The following MBD2 variants were observed in gnomAD, a reference collection of about 807,000 sequenced individuals.
MBD2 encodes methyl-CpG-binding domain protein 2.
MBD2 carries 9 observed loss-of-function variants against 39.3 expected under a neutral mutation model. The observed-to-expected ratio is 0.23, with a 90% CI of 0.14 to 0.40. MBD2 has a LOEUF of 0.40. Among genes scored for constraint, MBD2 ranks in the 10% least tolerant of loss-of-function variants. The probability of loss-of-function intolerance (pLI) is 1.00; values close to 1 mark genes in which losing one functional copy is unlikely to be tolerated. For missense variants in MBD2, 458 were observed against 532.6 expected, an observed-to-expected ratio of 0.86 and a Z score of 1.38; for synonymous variants, 233 against 211.1, an observed-to-expected ratio of 1.10 and a Z score of -0.90.
intron 2 of MBD2, among the ~76,000 whole-genome samples, chr18:54,196,143 C>T (rs956101253): frequency 7.9e-5 from 12 of 152,250 alleles, no homozygotes; most frequent in African/African-American, 2.6e-4. Flanking sequence ...TGTGCAACTT[C>T]ATAGGTTTTT....
chr18:54,186,724 G>A (rs530594787), intron 3 of MBD2, among the ~76,000 whole-genome samples: 50 of 152,270 alleles, frequency 3.3e-4, no homozygotes, highest in African/African-American at 1.0e-3. Context: ...AGCAAAAATT[G>A]TCAGGTACCA....
intron 1 of MBD2, among the ~76,000 whole-genome samples, chr18:54,205,507 C>G (rs1339090361): frequency 6.7e-6 from 1 of 150,278 alleles, no homozygotes; most frequent in Non-Finnish European, 1.5e-5. Context: ...AGGAGAATCG[C>G]TTGAACTCAG....
chr18:54,188,543 T>C (rs982887677), intron 3 of MBD2, among the ~76,000 whole-genome samples: 2 of 152,220 alleles, frequency 1.3e-5, no homozygotes, highest in African/African-American at 4.8e-5. Flanking sequence ...ACAAACTACA[T>C]GCTTCATTCT....
At chr18:54,166,932 G>A (rs1202477893) in intron 3 of MBD2, among the ~76,000 whole-genome samples, 1 of 152,116 alleles carries the variant, frequency 6.6e-6, no homozygotes, top group Non-Finnish European at 1.5e-5. Flanking sequence ...CTCTCTCCTA[G>A]TTATTACTTT....
chr18:54,209,162 G>A (rs1295794062), intron 1 of MBD2, among the ~76,000 whole-genome samples: 1 of 151,862 alleles, frequency 6.6e-6, no homozygotes, highest in Admixed American at 6.6e-5. Flanking sequence ...CCAGCGTGGC[G>A]GCGTGCGCCC....
intron 2 of MBD2, among the ~76,000 whole-genome samples, chr18:54,196,784 A>G (rs1216622632): frequency 6.6e-6 from 1 of 152,196 alleles, no homozygotes; most frequent in Non-Finnish European, 1.5e-5. Flanking sequence ...TCACGCTTAG[A>G]CACATTTGAA....
At chr18:54,207,343 T>A (rs1391219940) in intron 1 of MBD2, among the ~76,000 whole-genome samples, 1 of 152,172 alleles carries the variant, frequency 6.6e-6, no homozygotes, top group Non-Finnish European at 1.5e-5. Context: ...CCACCTCAAC[T>A]AGGAAGTCTT....
chr18:54,177,517 G>A (rs1165903334), intron 3 of MBD2, among the ~76,000 whole-genome samples: 3 of 150,876 alleles, frequency 2.0e-5, no homozygotes, highest in African/African-American at 7.3e-5. Flanking sequence ...GTCTCGCTCT[G>A]TCGCCCTGGC....
intron 3 of MBD2, among the ~76,000 whole-genome samples, chr18:54,183,653 G>T (rs148612310): frequency 1.1e-3 from 172 of 152,322 alleles, no homozygotes; most frequent in African/African-American, 4.1e-3. Context: ...TTATTTCAGA[G>T]ACATAAACAT....
chr18:54,224,059 T>C lies in MBD2; in HGVS notation c.501A>G (p.Lys167=), dbSNP rs760360471. The change falls in exon 1 of 7, where the codon AAA becomes AAG. Residue 167 remains lysine, a synonymous_variant. Transcript: ENST00000256429. ...PGWKKEEVIR[K]SGLSAGKSDV... Reference sequence around the variant, plus strand: ...CGCTCTTGCCAGCACTTAGCCCAGATTTTCGGATCACTTCCTCCTTCTTCC... The same window carrying C: ...CGCTCTTGCCAGCACTTAGCCCAGACTTTCGGATCACTTCCTCCTTCTTCC... 1.9e-6 allele frequency: 3 copies of C among 1,598,862 alleles called. No individual in the cohort carries two copies. Among genetic ancestry groups the C allele is most frequent in the South Asian group, 2.2e-5 (2 of 90,730 alleles).
chr18:54,198,229 C>T (rs2086380623), intron 2 of MBD2, among the ~76,000 whole-genome samples: 1 of 152,166 alleles, frequency 6.6e-6, no homozygotes, highest in Non-Finnish European at 1.5e-5. Flanking sequence ...ATAAGTCAAC[C>T]CAGTAAGGCA....
intron 5 of MBD2, among the ~76,000 whole-genome samples, chr18:54,163,945 G>A (rs1382603011): frequency 2.0e-5 from 3 of 152,156 alleles, no homozygotes; most frequent in Non-Finnish European, 4.4e-5. Context: ...GTGCAGGGAT[G>A]TGACGACAGC....
intron 2 of MBD2, chr18:54,203,183 T>C: frequency 6.4e-7 from 1 of 1,573,662 alleles, no homozygotes; most frequent in Non-Finnish European, 8.7e-7. Flanking sequence ...AGAAAATAAA[T>C]CTGCACATTA....
rs924349546 is a variant in MBD2, at chr18:54,224,320, C to A, written c.240G>T (p.Arg80=). Residue 80 remains arginine (R), a synonymous_variant, in exon 1 of 7, where the codon CGG becomes CGT. Transcript: ENST00000256429. ...CCCGTCCCCGTCCCCGGCCACGGCC[C>A]CGGCCCCGGCCACGGCCACAGACGC... The part of the protein sequence containing the change: ...GGGVCGRGRG[R]GRGRGRGRGR... 1 of 984,400 alleles carries A rather than the reference C, an allele frequency of 1.0e-6. No homozygotes were observed. The highest frequency in any genetic ancestry group is 1.8e-5 in the African/African-American group (1 of 56,492). The allele number at this position is 984,400 out of a possible 1,614,324, so 61.0% of individuals were successfully genotyped here. A position where few individuals can be genotyped will look rare whatever the true frequency, so the allele number is the denominator to read the frequency against.
chr18:54,205,297 C>T (rs189927223), intron 1 of MBD2, 140 bp from the exon 2 acceptor site: 77 of 787,892 alleles, frequency 9.8e-5, no homozygotes, highest in African/African-American at 8.2e-4. Flanking sequence ...TTTTGCTAGG[C>T]GCGATGGCTC....
At chr18:54,223,543 A>C (rs1421291492) in intron 1 of MBD2, among the ~76,000 whole-genome samples, 1 of 152,254 alleles carries the variant, frequency 6.6e-6, no homozygotes, top group Non-Finnish European at 1.5e-5. Flanking sequence ...AAAAAACTTC[A>C]GGCATTCCAA....
chr18:54,162,795 A>C (rs1283141347), intron 5 of MBD2, among the ~76,000 whole-genome samples: 1 of 152,360 alleles, frequency 6.6e-6, no homozygotes, highest in Middle Eastern at 3.4e-3. Flanking sequence ...TAAAGTTTTT[A>C]AGAAACTTCA....
At position 54,155,896 on chromosome 18, in the gene MBD2, T is replaced by C. The variant is rs150484204; in HGVS notation, c.*13-585A>G. On this transcript the variant is annotated intron_variant, in intron 6 of 6. Transcript: ENST00000256429. ...CACACCTTTGTTTTTACAGTCATCA[T>C]CTTCTTCTTCTTCTTAAATTTTACT... 5.8e-3 allele frequency among the ~76,000 whole-genome samples: 881 copies of C among 152,286 alleles called. 5 individuals are homozygous for C. Among genetic ancestry groups the C allele is most frequent in the Middle Eastern group, 0.014 (4 of 294 alleles).
chr18:54,224,585 C>CG lies in MBD2; in HGVS notation c.-27dup. The CG allele has an allele frequency of 8.2e-7, 1 of 1,221,452 alleles. No individual in the cohort carries two copies. The allele number at this position is 1,221,452 out of a possible 1,614,324, so 75.7% of individuals were successfully genotyped here. On this transcript the variant is annotated 5_prime_UTR_variant, in exon 1 of 7. Coordinates refer to ENST00000256429, the MANE Select transcript of MBD2 (RefSeq NM_003927.5). ...CCAGCCCCCTCCCCAGCCGGCGCTGCGCTTCTTCCGTAACCGAGCCCTTGG... is the reference window on the plus strand; with the variant it reads ...CCAGCCCCCTCCCCAGCCGGCGCTGCGGCTTCTTCCGTAACCGAGCCCTTGG...
Sources: allele counts gnomAD v4.1 joint callset (sites outside exome capture counted in the v4.1 genomes callset), GRCh38; gene constraint gnomAD v4.1.1; transcripts MANE v1.5; gene names NCBI Gene and HGNC (gene_info 2026-07-23, HGNC 2026-07-21).